The following PRDM6 variants were observed in gnomAD, a reference collection of about 807,000 sequenced individuals.
PRDM6 encodes the protein putative histone-lysine N-methyltransferase PRDM6.
A neutral mutation model predicts 60.8 loss-of-function variants in PRDM6; 25 were observed. The observed-to-expected ratio is 0.41, with a 90% CI of 0.30 to 0.57. The LOEUF is 0.57. Among genes scored for constraint, PRDM6 ranks in the 20% least tolerant of loss-of-function variants. The pLI, the probability that PRDM6 is intolerant of heterozygous loss-of-function variation, is 0.27. For missense variants in PRDM6, 839 were observed against 821.3 expected (o/e 1.02, Z -0.26); for synonymous variants, 407 against 357.4 (o/e 1.14, Z -1.57).
At chr5:123,166,878 C>T (rs456467) in intron 5 of PRDM6, among the ~76,000 whole-genome samples, 31,654 of 152,100 alleles carry the variant, frequency 0.21, 3,743 homozygotes, top group African/African-American at 0.32. Context: ...TTAATTTTTG[C>T]GTTTCCAGAC....
chr5:123,159,541 A>G lies in PRDM6; in HGVS notation c.1056A>G (p.Ile352Met). 2 of 1,551,450 alleles carry G rather than the reference A, an allele frequency of 1.3e-6. No homozygotes were observed. The highest frequency in any genetic ancestry group is 1.7e-6 in the Non-Finnish European group (2 of 1,146,808). Residue 352 changes from isoleucine (I) to methionine (M), a missense_variant, in exon 5 of 8, where the codon ATA (isoleucine) becomes ATG (methionine). By Grantham distance (10) the Ile-to-Met change is conservative. Coordinates refer to ENST00000407847, the MANE Select transcript of PRDM6 (RefSeq NM_001136239.4). Reference protein sequence around the residue: ...YRSNIFYRACIDIPRGTELLV... With the variant: ...YRSNIFYRACMDIPRGTELLV... ...CGAATATATTCTACCGAGCCTGTAT[A>G]GATATCCCTAGGGGCACCGAGCTTC...
chr5:123,138,973 C>T (rs1765035465), intron 3 of PRDM6, among the ~76,000 whole-genome samples: 1 of 152,156 alleles, frequency 6.6e-6, no homozygotes, highest in Non-Finnish European at 1.5e-5. Context: ...GGGGTGGTTC[C>T]CCCATGCTGT....
chr5:123,141,536 TCTATA>T (rs1323407771), intron 3 of PRDM6, among the ~76,000 whole-genome samples: 4 of 152,282 alleles, frequency 2.6e-5, no homozygotes, highest in Admixed American at 1.3e-4. Context: ...TTTTGCTTAC[TCTATA>T]GAGTTATTAT....
rs1036150773 is a variant in PRDM6, at chr5:123,187,247, A to G, written c.*46A>G. On this transcript the variant is annotated 3_prime_UTR_variant, in exon 8 of 8. Transcript: ENST00000407847. ...AAACTGCAAGGAAAGTCATGATTAA[A>G]TGTCACGGACACTTAAGCAAAACCA... The G allele has an allele frequency of 2.1e-6, 3 of 1,426,860 alleles. No homozygotes were observed. The highest frequency in any genetic ancestry group is 2.9e-6 in the Non-Finnish European group (3 of 1,034,828). 88.4% of individuals were successfully genotyped at this position (1,426,860 alleles called of 1,614,324 possible). A position where few individuals can be genotyped will look rare whatever the true frequency, so the allele number is the denominator to read the frequency against.
intron 5 of PRDM6, among the ~76,000 whole-genome samples, chr5:123,162,198 C>A (rs937586002): frequency 4.6e-5 from 7 of 152,092 alleles, no homozygotes; most frequent in Admixed American, 2.0e-4. Flanking sequence ...GGATCTCTGG[C>A]GTGGGAGACT....
At chr5:123,143,567 C>A (rs1365713210) in intron 3 of PRDM6, among the ~76,000 whole-genome samples, 1 of 152,130 alleles carries the variant, frequency 6.6e-6, no homozygotes, top group Admixed American at 6.5e-5. Flanking sequence ...TTCCTGGGAA[C>A]CAAACCTTAC....
intron 2 of PRDM6, among the ~76,000 whole-genome samples, chr5:123,095,776 T>C (rs1257188054): frequency 6.6e-6 from 1 of 152,182 alleles, no homozygotes; most frequent in Non-Finnish European, 1.5e-5. Context: ...GAAGATGTGA[T>C]GTAGCTCTCA....
chr5:123,180,358 C>G, intron 7 of PRDM6, 35 bp downstream of exon 7: 1 of 1,516,424 alleles, frequency 6.6e-7, no homozygotes, highest in Non-Finnish European at 8.9e-7. Context: ...CTCTCTTTCT[C>G]TTAGCCTTTC....
Position 123,090,155 on chromosome 5 carries a change from G to T in PRDM6, c.141G>T (p.Pro47=). The change falls in exon 2 of 8, where the codon CCG becomes CCT. Residue 47 remains proline (P), a synonymous_variant. Coordinates refer to ENST00000407847, the MANE Select transcript of PRDM6 (RefSeq NM_001136239.4). The stretch of plus-strand genomic sequence containing the variant: ...GCGCCGCGGGTCTCCTGAGCGCGCC[G>T]CAGCCTCTTCAGCCGCCGCCGCCGC... The part of the protein sequence containing the change: ...GSGAAGLLSA[P]QPLQPPPPPP... The T allele has an allele frequency of 5.9e-6, 9 of 1,520,322 alleles. No individual in the cohort carries two copies. Among genetic ancestry groups the T allele is most frequent in the South Asian group, 1.2e-5 (1 of 81,542 alleles). The allele number at this position is 1,520,322 out of a possible 1,614,324, so 94.2% of individuals were successfully genotyped here.
chr5:123,099,913 A>G lies in PRDM6; in HGVS notation c.852A>G (p.Pro284=), dbSNP rs932496763. ...IGPFQGVLLP[P]EKVQAGAVRN... Reference sequence around the variant, plus strand: ...CTTTCCAAGGCGTGCTTCTGCCCCCAGAGAAGGTGCAGGCAGGCGCCGTGA... The same window carrying G: ...CTTTCCAAGGCGTGCTTCTGCCCCCGGAGAAGGTGCAGGCAGGCGCCGTGA... The change falls in exon 3 of 8, where the codon CCA becomes CCG. Residue 284 remains proline (P), a synonymous_variant. Transcript: ENST00000407847. The surrounding 1 kb of genome is among the most constrained non-coding windows in gnomAD (Gnocchi z 4.0). 6.5e-7 allele frequency: 1 copy of G among 1,546,042 alleles called. No homozygotes were observed. Among genetic ancestry groups the G allele is most frequent in the Admixed American group, 2.0e-5 (1 of 50,638 alleles).
At chr5:123,163,649 C>T (rs1300212810) in intron 5 of PRDM6, among the ~76,000 whole-genome samples, 2 of 152,150 alleles carry the variant, frequency 1.3e-5, no homozygotes, top group East Asian at 1.9e-4. Context: ...ACGCCTGTGT[C>T]GACAGATCAC....
At chr5:123,168,898 T>G (rs1428703447) in intron 5 of PRDM6, among the ~76,000 whole-genome samples, 1 of 152,258 alleles carries the variant, frequency 6.6e-6, no homozygotes, top group Non-Finnish European at 1.5e-5. Context: ...ACATGGCATC[T>G]CCCTGTCCAC....
intron 3 of PRDM6, among the ~76,000 whole-genome samples, chr5:123,132,478 C>T: frequency 6.6e-6 from 1 of 152,034 alleles, no homozygotes; most frequent in South Asian, 2.1e-4. Context: ...TCTATAAGCG[C>T]TTTCTAATGG....
chr5:123,166,283 TC>T (rs1202834474), intron 5 of PRDM6, among the ~76,000 whole-genome samples: 1 of 152,170 alleles, frequency 6.6e-6, no homozygotes, highest in Non-Finnish European at 1.5e-5. Context: ...CGATATTCCA[TC>T]TTTTTGCATT....
At chr5:123,136,835 C>T (rs535105493) in intron 3 of PRDM6, among the ~76,000 whole-genome samples, 1 of 134,042 alleles carries the variant, frequency 7.5e-6, no homozygotes, top group South Asian at 2.5e-4. Context: ...CCACTGCTCT[C>T]CTCACTTCCC....
At chr5:123,152,009 A>G (rs931935244) in intron 3 of PRDM6, among the ~76,000 whole-genome samples, 3 of 152,224 alleles carry the variant, frequency 2.0e-5, no homozygotes, top group African/African-American at 7.2e-5. Context: ...AAAAAAAAAC[A>G]GAAAAAAACA....
chr5:123,089,894 C>A, intron 1 of PRDM6, 106 bp from the exon 2 acceptor site: 3 of 838,258 alleles, frequency 3.6e-6, no homozygotes, highest in Non-Finnish European at 5.4e-6. Flanking sequence ...GGGCGGCCGC[C>A]GGCTGAACCA....
chr5:123,092,113 T>C (rs1763854640), intron 2 of PRDM6, among the ~76,000 whole-genome samples: 1 of 152,262 alleles, frequency 6.6e-6, no homozygotes, highest in Non-Finnish European at 1.5e-5. Context: ...GTTTCAACTC[T>C]AATTTTGCTG....
At chr5:123,135,357 C>T (rs1002920801) in intron 3 of PRDM6, among the ~76,000 whole-genome samples, 6 of 152,180 alleles carry the variant, frequency 3.9e-5, no homozygotes, top group Admixed American at 6.5e-5. Flanking sequence ...TTCTGAAGTT[C>T]ACCATGCTGA....
Sources: gnomAD v4.1 joint callset for allele counts (sites outside exome capture counted in the v4.1 genomes callset) on GRCh38, gnomAD v4.1.1 for gene constraint, Gnocchi (gnomAD v3.1) non-coding constraint, MANE v1.5 for transcripts, NCBI Gene and HGNC (gene_info 2026-07-23, HGNC 2026-07-21) for gene names.